Variants in TBC1D22A observed in about 807,000 individuals in gnomAD.
TBC1D22A encodes the protein TBC1 domain family member 22A.
TBC1D22A carries 38 observed loss-of-function variants against 60.2 expected under a neutral mutation model. The observed-to-expected ratio is 0.63, with a 90% CI of 0.49 to 0.83. TBC1D22A has a LOEUF of 0.83. TBC1D22A is among the 40% of genes least tolerant of loss of function. The pLI is 0.00. For synonymous variants in TBC1D22A, 302 were observed against 281.7 expected, an observed-to-expected ratio of 1.07 and a Z score of -0.72; for missense variants, 628 against 701.0, an observed-to-expected ratio of 0.90 and a Z score of 1.18.
Position 46,990,557 on chromosome 22 carries a change from G to A in TBC1D22A, c.1126-7077G>A, listed in dbSNP as rs543761429. The stretch of plus-strand genomic sequence containing the variant: ...CCACAGTTTACACCAGTTGTAGGCC[G>A]TGGGTTTTGAAAGGTGTGCAGTGAC... On this transcript the variant is annotated intron_variant, in intron 9 of 12. Transcript: ENST00000337137. The surrounding 1 kb of genome is among the most constrained non-coding windows in gnomAD (Gnocchi z 4.6). Among the ~76,000 whole-genome samples, 1 of 152,114 alleles carries A rather than the reference G, an allele frequency of 6.6e-6. No individual in the cohort carries two copies. The highest frequency in any genetic ancestry group is 1.5e-5 in the Non-Finnish European group (1 of 68,028).
At chr22:46,936,363 C>G (rs1267173507) in intron 8 of TBC1D22A, among the ~76,000 whole-genome samples, 1 of 152,180 alleles carries the variant, frequency 6.6e-6, no homozygotes, top group Non-Finnish European at 1.5e-5. Context: ...CCTCGTGGTT[C>G]TGCATGCCCT....
chr22:46,763,344 GTTTC>G (rs2083170160), intron 1 of TBC1D22A: 2 of 134,974 alleles, frequency 1.5e-5, no homozygotes, highest in Non-Finnish European at 1.5e-5. Context: ...GAGTTTCCAT[GTTTC>G]TGCTTGCTGG....
intron 11 of TBC1D22A, among the ~76,000 whole-genome samples, chr22:47,093,574 A>C (rs4823464): frequency 6.6e-6 from 1 of 151,832 alleles, no homozygotes; most frequent in South Asian, 2.1e-4. Flanking sequence ...TTCCCAGTGC[A>C]TGTTGATTTT....
chr22:47,111,247 C>T (rs2065835482), intron 11 of TBC1D22A, among the ~76,000 whole-genome samples: 1 of 151,758 alleles, frequency 6.6e-6, no homozygotes, highest in Non-Finnish European at 1.5e-5. Context: ...GAAGAATGAA[C>T]AACCGCTTCT....
chr22:46,935,684 C>T (rs962042609), intron 8 of TBC1D22A, among the ~76,000 whole-genome samples: 1 of 152,232 alleles, frequency 6.6e-6, no homozygotes, highest in East Asian at 1.9e-4. Context: ...TGGGCTGGAA[C>T]CAGTTAGACT....
chr22:46,787,274 C>T lies in TBC1D22A; in HGVS notation c.63-5246C>T, dbSNP rs539686135. ...TTTATTCATCTACTCAGAGAACCAT[C>T]TCTTGGTTTTGTTCATTTTCCTTAT... On this transcript the variant is annotated intron_variant, in intron 1 of 12. Transcript: ENST00000337137. Among the ~76,000 whole-genome samples, 4 of 152,286 alleles carry T rather than the reference C, an allele frequency of 2.6e-5. No homozygotes were observed. In the East Asian group the frequency reaches 7.7e-4, roughly 29 times the overall value.
intron 4 of TBC1D22A, among the ~76,000 whole-genome samples, chr22:46,865,066 T>G (rs2066986723): frequency 6.6e-6 from 1 of 152,230 alleles, no homozygotes; most frequent in Admixed American, 6.5e-5. Context: ...GTCATACCTC[T>G]GAAATCTTTG....
intron 11 of TBC1D22A, among the ~76,000 whole-genome samples, chr22:47,052,068 A>AC (rs1403233744): frequency 7.1e-6 from 1 of 140,880 alleles, no homozygotes; most frequent in East Asian, 3.0e-4. Flanking sequence ...GCAGGCTCTC[A>AC]CTGGGCCTCC....
At chr22:46,815,377 T>C (rs1449863468) in intron 4 of TBC1D22A, among the ~76,000 whole-genome samples, 1 of 152,226 alleles carries the variant, frequency 6.6e-6, no homozygotes, top group Non-Finnish European at 1.5e-5. Context: ...TCGTTTCCTC[T>C]GTATCAGTGT....
intron 7 of TBC1D22A, among the ~76,000 whole-genome samples, chr22:46,904,180 T>C (rs2069272301): frequency 6.6e-6 from 1 of 150,424 alleles, no homozygotes; most frequent in Admixed American, 6.6e-5. Flanking sequence ...CCTACCAGTC[T>C]GAGAGCAAAA....
chr22:46,941,469 C>T (rs888367375), intron 8 of TBC1D22A, among the ~76,000 whole-genome samples: 10 of 126,918 alleles, frequency 7.9e-5, no homozygotes, highest in Admixed American at 4.1e-4. Context: ...TATATATACA[C>T]GGAATATATA....
chr22:46,788,825 C>G (rs1014722578), intron 1 of TBC1D22A, among the ~76,000 whole-genome samples: 2 of 152,138 alleles, frequency 1.3e-5, no homozygotes, highest in Non-Finnish European at 2.9e-5. Context: ...AAGGAGAAGT[C>G]ATAACAAACC....
At chr22:46,865,595 G>A (rs919020912) in intron 4 of TBC1D22A, among the ~76,000 whole-genome samples, 1 of 152,166 alleles carries the variant, frequency 6.6e-6, no homozygotes, top group East Asian at 1.9e-4. Flanking sequence ...GTATCCCCAA[G>A]GGAAATGAGA....
In TBC1D22A at chr22:46,793,705, G is replaced by T; in HGVS notation, c.324G>T (p.Arg108=). 6.2e-7 allele frequency: 1 copy of T among 1,611,934 alleles called. No individual in the cohort carries two copies. Among genetic ancestry groups the T allele is most frequent in the South Asian group, 1.1e-5 (1 of 90,970 alleles). Reference sequence around the variant, plus strand: ...GTGTGCTGCGTAACCACAGCCAGCGGCAGGGGCGGCCCACGCTGCAGGAGG... The same window carrying T: ...GTGTGCTGCGTAACCACAGCCAGCGTCAGGGGCGGCCCACGCTGCAGGAGG... ...ANRVLRNHSQ[R]QGRPTLQEGP... is the part of the protein sequence containing the mutation. Residue 108 remains arginine (R), a synonymous_variant, in exon 3 of 13, where the codon CGG becomes CGT. Transcript: ENST00000337137.
intron 9 of TBC1D22A, among the ~76,000 whole-genome samples, chr22:46,994,352 C>T (rs969080072): frequency 2.1e-5 from 3 of 142,028 alleles, no homozygotes; most frequent in African/African-American, 8.6e-5. Flanking sequence ...GGGCCCTGCC[C>T]ACCTGCTGTG....
chr22:47,115,464 C>T (rs976621551), intron 12 of TBC1D22A, among the ~76,000 whole-genome samples: 11 of 151,796 alleles, frequency 7.2e-5, no homozygotes, highest in African/African-American at 2.4e-4. Flanking sequence ...ATGGACTGTG[C>T]CTTCCATCTG....
chr22:47,106,393 C>G (rs2065633214), intron 11 of TBC1D22A, among the ~76,000 whole-genome samples: 1 of 152,128 alleles, frequency 6.6e-6, no homozygotes. Context: ...AAGTTATTCA[C>G]AAGCAGCCAG....
intron 12 of TBC1D22A, among the ~76,000 whole-genome samples, chr22:47,121,066 T>C (rs1275861812): frequency 6.6e-6 from 1 of 152,168 alleles, no homozygotes; most frequent in African/African-American, 2.4e-5. Context: ...AAAAAGAAAA[T>C]GTCCTCATAG....
At chr22:47,093,172 C>T (rs938462018) in intron 11 of TBC1D22A, among the ~76,000 whole-genome samples, 11 of 152,254 alleles carry the variant, frequency 7.2e-5, no homozygotes, top group South Asian at 2.1e-4. Flanking sequence ...AGGAGATAGG[C>T]GTGTGCAGGC....
Sources: allele counts gnomAD v4.1 joint callset (sites outside exome capture counted in the v4.1 genomes callset), GRCh38; gene constraint gnomAD v4.1.1; non-coding constraint Gnocchi (gnomAD v3.1); transcripts MANE v1.5; gene names NCBI Gene and HGNC (gene_info 2026-07-23, HGNC 2026-07-21).